Variants in HMCN1 observed in about 807,000 individuals in gnomAD.
The protein encoded by HMCN1 is hemicentin-1.
Under a neutral mutation model 625.9 loss-of-function variants are expected in HMCN1, and 321 were observed. The observed-to-expected ratio is 0.51, with a 90% CI of 0.47 to 0.56. HMCN1 has a LOEUF of 0.56. Ranked by LOEUF, HMCN1 falls within the 20% of genes least tolerant of loss-of-function variation. HMCN1 has a pLI of 0.00. For missense variants in HMCN1, 6,588 were observed against 6,887.3 expected (o/e 0.96, Z 1.54); for synonymous variants, 2,425 against 2,417.6 (o/e 1.00, Z -0.09).
intron 105 of HMCN1, among the ~76,000 whole-genome samples, chr1:186,187,558 T>G (rs2102682252): frequency 1.3e-5 from 2 of 152,326 alleles, no homozygotes; most frequent in East Asian, 3.9e-4. Context: ...AAAATATTTC[T>G]TGCTTTATAA....
intron 1 of HMCN1, among the ~76,000 whole-genome samples, chr1:185,752,185 C>G (rs1185316154): frequency 1.3e-5 from 2 of 152,004 alleles, no homozygotes; most frequent in Non-Finnish European, 2.9e-5. Context: ...ATGTTTCTGG[C>G]TTAGGGTTTC....
intron 1 of HMCN1, among the ~76,000 whole-genome samples, chr1:185,763,906 A>G (rs1380771466): frequency 1.3e-5 from 2 of 152,170 alleles, no homozygotes; most frequent in Admixed American, 6.6e-5. Flanking sequence ...ACAATCTCAC[A>G]TCATAGGAGG....
intron 11 of HMCN1, 67 bp from the exon 12 acceptor site, chr1:185,962,451 A>C: frequency 7.7e-7 from 1 of 1,302,608 alleles, no homozygotes; most frequent in Non-Finnish European, 1.1e-6. Flanking sequence ...CAAATCTGCT[A>C]ACATAGGAAG....
intron 86 of HMCN1, 97 bp from the exon 87 acceptor site, chr1:186,136,571 A>T: frequency 9.0e-7 from 1 of 1,108,012 alleles, no homozygotes; most frequent in Non-Finnish European, 1.4e-6. Flanking sequence ...TAAACAAATC[A>T]ATCACTTTTT....
intron 49 of HMCN1, among the ~76,000 whole-genome samples, chr1:186,066,009 GTTGT>G (rs1213806372): frequency 6.6e-6 from 1 of 152,052 alleles, no homozygotes; most frequent in African/African-American, 2.4e-5. Flanking sequence ...AATTTGTATA[GTTGT>G]TTGTTTTTAT....
At chr1:185,884,919 A>G (rs1664538642) in intron 4 of HMCN1, among the ~76,000 whole-genome samples, 1 of 152,042 alleles carries the variant, frequency 6.6e-6, no homozygotes, top group African/African-American at 2.4e-5. Flanking sequence ...AGACAAAAAT[A>G]TGATTGTTTT....
chr1:185,746,281 T>A (rs1275918211), intron 1 of HMCN1, among the ~76,000 whole-genome samples: 1 of 152,212 alleles, frequency 6.6e-6, no homozygotes, highest in Non-Finnish European at 1.5e-5. Context: ...TGCTGTGTAA[T>A]CTTAAGTTCT....
At chr1:186,014,359 A>G (rs931090888) in intron 30 of HMCN1, among the ~76,000 whole-genome samples, 5 of 151,636 alleles carry the variant, frequency 3.3e-5, no homozygotes, top group African/African-American at 1.2e-4. Flanking sequence ...GTTCTAGGGT[A>G]CATGTGCACA....
intron 30 of HMCN1, among the ~76,000 whole-genome samples, chr1:186,011,947 C>T (rs1160062354): frequency 6.6e-6 from 1 of 152,080 alleles, no homozygotes; most frequent in Admixed American, 6.5e-5. Flanking sequence ...AGTCTCAGCC[C>T]TGAACTCAAA....
At position 186,166,950 on chromosome 1, in the gene HMCN1, A is replaced by G; in HGVS notation, c.15574+8A>G. On this transcript the variant is annotated splice_region_variant and intron_variant, in intron 100 of 106. Transcript: ENST00000271588. The stretch of plus-strand genomic sequence containing the variant: ...ATGGGCTGAGTTGTCAAGGTATAAA[A>G]ATGGAGGCCTTTTCTTTATGTTCAT... 1.9e-6 allele frequency: 3 copies of G among 1,614,102 alleles called. No homozygotes were observed. The highest frequency in any genetic ancestry group is 2.5e-6 in the Non-Finnish European group (3 of 1,179,976).
At chr1:186,130,769 T>C (rs1661894220) in intron 85 of HMCN1, 72 bp downstream of exon 85, 1 of 1,263,980 alleles carries the variant, frequency 7.9e-7, no homozygotes, top group African/African-American at 1.5e-5. Flanking sequence ...GTGCCATAGA[T>C]AAGAAACATT....
chr1:185,754,570 T>C (rs1431216906), intron 1 of HMCN1, among the ~76,000 whole-genome samples: 1 of 152,184 alleles, frequency 6.6e-6, no homozygotes, highest in Non-Finnish European at 1.5e-5. Context: ...GTTGGACGTA[T>C]AATTCTTTAC....
chr1:186,177,842 T>G (rs1042042059), intron 103 of HMCN1, among the ~76,000 whole-genome samples: 1 of 151,932 alleles, frequency 6.6e-6, no homozygotes, highest in African/African-American at 2.4e-5. Context: ...AAGTGAAGTT[T>G]GATGAAAATT....
intron 22 of HMCN1, among the ~76,000 whole-genome samples, chr1:185,990,943 C>T (rs1170293971): frequency 6.6e-6 from 1 of 152,182 alleles, no homozygotes; most frequent in Non-Finnish European, 1.5e-5. Context: ...AAAGCACAAC[C>T]TTTGTTGCCA....
intron 50 of HMCN1, among the ~76,000 whole-genome samples, chr1:186,068,724 C>T (rs1342203471): frequency 1.3e-5 from 2 of 152,018 alleles, no homozygotes; most frequent in Non-Finnish European, 2.9e-5. Flanking sequence ...AAAAAATTAG[C>T]TGGGCGTGGT....
chr1:186,095,341 C>A lies in HMCN1; in HGVS notation c.10393C>A (p.Pro3465Thr). The part of the protein sequence containing the change: ...MACITDGTPA[P>T]SMAWLRDGQP... ...ATGCATTACTGATGGAACCCCAGCTCCCAGTATGGCCTGGCTTAGAGATGG... is the reference window on the plus strand; with the variant it reads ...ATGCATTACTGATGGAACCCCAGCTACCAGTATGGCCTGGCTTAGAGATGG... The change falls in exon 68 of 107, where the codon CCC becomes ACC. Residue 3465 changes from proline to threonine, a missense_variant. Pro to Thr is a conservative substitution (Grantham distance 38). Around this residue, in one of 3 missense-constraint regions of HMCN1, gnomAD observed 4,628 missense variants for 4,853.1 expected, o/e 0.95. Transcript: ENST00000271588. 2 of 1,613,708 alleles carry A rather than the reference C, an allele frequency of 1.2e-6. No individual in the cohort carries two copies. The highest frequency in any genetic ancestry group is 1.7e-6 in the Non-Finnish European group (2 of 1,179,842).
chr1:186,162,660 G>C (rs554435365), intron 97 of HMCN1, among the ~76,000 whole-genome samples: 18 of 152,312 alleles, frequency 1.2e-4, no homozygotes, highest in African/African-American at 4.1e-4. Context: ...AAGTCTGTTG[G>C]AGTTTGCTAG....
chr1:185,899,466 G>T (rs1245922116), intron 4 of HMCN1, among the ~76,000 whole-genome samples: 2 of 151,942 alleles, frequency 1.3e-5, no homozygotes, highest in Non-Finnish European at 2.9e-5. Flanking sequence ...AGTATTTGTC[G>T]ACTTTTAACA....
At chr1:185,768,895 C>T (rs1014129882) in intron 1 of HMCN1, among the ~76,000 whole-genome samples, 1 of 152,130 alleles carries the variant, frequency 6.6e-6, no homozygotes, top group Non-Finnish European at 1.5e-5. Flanking sequence ...AAATATTTAA[C>T]CTCATTAAGC....
Sources: gnomAD v4.1 joint callset for allele counts (sites outside exome capture counted in the v4.1 genomes callset) on GRCh38, gnomAD v4.1.1 for gene constraint, gnomAD v4.1.1 regional missense constraint, MANE v1.5 for transcripts, NCBI Gene and HGNC (gene_info 2026-07-23, HGNC 2026-07-21) for gene names.